Variants in CACNA2D3 observed in about 807,000 individuals in gnomAD.
CACNA2D3 encodes the protein voltage-dependent calcium channel subunit alpha-2/delta-3.
Under a neutral mutation model 160.6 loss-of-function variants are expected in CACNA2D3, and 60 were observed. The ratio of observed to expected loss-of-function variants is 0.37; its 90% CI spans 0.30 to 0.46. CACNA2D3 has a LOEUF of 0.46. Ranked by LOEUF, CACNA2D3 falls within the 20% of genes least tolerant of loss-of-function variation. CACNA2D3 has a pLI of 1.00. For missense variants in CACNA2D3, 1,205 were observed against 1,365.0 expected, an observed-to-expected ratio of 0.88 and a Z score of 1.85; for synonymous variants, 558 against 492.9, an observed-to-expected ratio of 1.13 and a Z score of -1.75.
intron 27 of CACNA2D3, among the ~76,000 whole-genome samples, chr3:54,947,577 C>G (rs1014120338): frequency 6.6e-6 from 1 of 152,126 alleles, no homozygotes; most frequent in Non-Finnish European, 1.5e-5. Context: ...GATGTCCCCA[C>G]AGTGGCCTGA....
intron 27 of CACNA2D3, chr3:54,918,870 G>C (rs776130162): frequency 6.4e-7 from 1 of 1,552,740 alleles, no homozygotes; most frequent in African/African-American, 1.4e-5. Flanking sequence ...GTGATTCACA[G>C]ATGATGCCGT....
intron 30 of CACNA2D3, among the ~76,000 whole-genome samples, chr3:54,985,122 G>A (rs1035251219): frequency 6.6e-6 from 1 of 152,088 alleles, no homozygotes; most frequent in Non-Finnish European, 1.5e-5. Flanking sequence ...TCTGGTTTTT[G>A]CTTTTTAAAA....
chr3:55,046,499 C>CATT (rs546718721), intron 35 of CACNA2D3, among the ~76,000 whole-genome samples: 5 of 67,630 alleles, frequency 7.4e-5, no homozygotes, highest in Non-Finnish European at 1.1e-4. Flanking sequence ...TCCAGTCTAT[C>CATT]GTTGGACATT....
chr3:54,584,913 A>G (rs1394531167), intron 9 of CACNA2D3, among the ~76,000 whole-genome samples: 2 of 152,214 alleles, frequency 1.3e-5, no homozygotes, highest in Non-Finnish European at 2.9e-5. Flanking sequence ...AGGATTCTAT[A>G]TCCAGTGAAA....
intron 5 of CACNA2D3, among the ~76,000 whole-genome samples, chr3:54,550,784 G>A (rs1702143652): frequency 6.6e-6 from 1 of 152,114 alleles, no homozygotes; most frequent in African/African-American, 2.4e-5. Flanking sequence ...TTCCTGCTGT[G>A]GGGGATTCCC....
chr3:54,800,153 G>A (rs1702952817), intron 13 of CACNA2D3, among the ~76,000 whole-genome samples: 1 of 152,116 alleles, frequency 6.6e-6, no homozygotes, highest in South Asian at 2.1e-4. Context: ...CATCCTGTTT[G>A]GATATTTCCA....
chr3:55,008,837 G>A (rs993546384), intron 33 of CACNA2D3, among the ~76,000 whole-genome samples: 1 of 149,708 alleles, frequency 6.7e-6, no homozygotes, highest in Admixed American at 6.7e-5. Flanking sequence ...TTTTTATGAA[G>A]TTCCATTGTG....
At chr3:54,709,259 C>A (rs1700912471) in intron 11 of CACNA2D3, among the ~76,000 whole-genome samples, 2 of 152,022 alleles carry the variant, frequency 1.3e-5, no homozygotes, top group African/African-American at 4.8e-5. Context: ...AAGTGATCCG[C>A]CTGCCTTGGC....
At chr3:54,834,156 G>T (rs1703935547) in intron 14 of CACNA2D3, among the ~76,000 whole-genome samples, 1 of 152,166 alleles carries the variant, frequency 6.6e-6, no homozygotes, top group Non-Finnish European at 1.5e-5. Flanking sequence ...TTGTCTTTGT[G>T]CCAGGACAAT....
At chr3:54,928,798 G>A (rs1701104160) in intron 27 of CACNA2D3, among the ~76,000 whole-genome samples, 1 of 151,756 alleles carries the variant, frequency 6.6e-6, no homozygotes, top group Non-Finnish European at 1.5e-5. Context: ...CTGATGCTGA[G>A]GTCCTGGCCC....
intron 4 of CACNA2D3, among the ~76,000 whole-genome samples, chr3:54,462,724 T>C (rs183116932): frequency 4.6e-5 from 7 of 152,332 alleles, no homozygotes; most frequent in Non-Finnish European, 1.0e-4. Flanking sequence ...CTTGACTCTT[T>C]ATCCAATTTG....
intron 11 of CACNA2D3, among the ~76,000 whole-genome samples, chr3:54,747,541 GTA>G (rs1470991894): frequency 2.6e-5 from 4 of 152,056 alleles, no homozygotes; most frequent in African/African-American, 9.7e-5. Flanking sequence ...TTTACATTAT[GTA>G]TCAGCTCATG....
chr3:54,977,211 A>G (rs557625527), intron 29 of CACNA2D3, among the ~76,000 whole-genome samples: 8 of 152,234 alleles, frequency 5.3e-5, no homozygotes, highest in East Asian at 1.9e-4. Context: ...AGTTTGATCA[A>G]TTTTCCTAGG....
chr3:54,295,717 C>T (rs1703328226), intron 2 of CACNA2D3, among the ~76,000 whole-genome samples: 1 of 152,202 alleles, frequency 6.6e-6, no homozygotes, highest in Admixed American at 6.5e-5. Context: ...TATCCATTTG[C>T]CTCATGTGAG....
chr3:54,781,641 A>C (rs1702539274), intron 13 of CACNA2D3, among the ~76,000 whole-genome samples: 1 of 152,242 alleles, frequency 6.6e-6, no homozygotes, highest in Non-Finnish European at 1.5e-5. Flanking sequence ...CCAATTCGGT[A>C]ATTTGTACAT....
intron 23 of CACNA2D3, among the ~76,000 whole-genome samples, chr3:54,887,105 A>G (rs1386349295): frequency 6.6e-6 from 1 of 152,012 alleles, no homozygotes; most frequent in Admixed American, 6.6e-5. Context: ...GTCCCTTTGG[A>G]TGGCAACAGA....
At chr3:54,845,848 G>T (rs903589314) in intron 16 of CACNA2D3, among the ~76,000 whole-genome samples, 2 of 152,198 alleles carry the variant, frequency 1.3e-5, no homozygotes, top group Admixed American at 1.3e-4. Flanking sequence ...ATATGAAAAG[G>T]GTTGCCAGGC....
At chr3:54,462,120 G>C (rs1700516930) in intron 4 of CACNA2D3, among the ~76,000 whole-genome samples, 1 of 152,252 alleles carries the variant, frequency 6.6e-6, no homozygotes, top group African/African-American at 2.4e-5. Context: ...GTTCTAGTTT[G>C]ATTGCACTGT....
intron 17 of CACNA2D3, among the ~76,000 whole-genome samples, chr3:54,860,971 T>C (rs1699278282): frequency 6.6e-6 from 1 of 152,220 alleles, no homozygotes. Flanking sequence ...ATTAAATGAC[T>C]ACATAGACTA....
Sources: allele counts gnomAD v4.1 joint callset (sites outside exome capture counted in the v4.1 genomes callset), GRCh38; gene constraint gnomAD v4.1.1; transcripts MANE v1.5; gene names NCBI Gene and HGNC (gene_info 2026-07-23, HGNC 2026-07-21).